RCHY1: variants seen among roughly 807,000 people sequenced by gnomAD.
The protein encoded by RCHY1 is RING finger and CHY zinc finger domain-containing protein 1.
A neutral mutation model predicts 41.6 loss-of-function variants in RCHY1; 21 were observed. That is an observed-to-expected ratio of 0.51 (90% CI 0.36 to 0.73). The LOEUF is 0.73. Ranked by LOEUF, RCHY1 falls within the 30% of genes least tolerant of loss-of-function variation. The pLI is 0.00. For missense variants in RCHY1, 265 were observed against 325.3 expected (o/e 0.81, Z 1.43); for synonymous variants, 79 against 102.9 (o/e 0.77, Z 1.41).
At position 75,487,732 on chromosome 4, in the gene RCHY1, AATATATATTCATATATATATTCATAAT is replaced by A. The variant is rs1560513306; in HGVS notation, c.657+2822_657+2848del. 7.8e-4 allele frequency among the ~76,000 whole-genome samples: 41 copies of A among 52,596 alleles called. 1 individual carries two copies. Among genetic ancestry groups the A allele is most frequent in the South Asian group, 1.4e-3 (3 of 2,152 alleles). 34.5% of individuals were successfully genotyped at this position (52,596 alleles called of 152,430 possible). ...AATATATATTCATATATATATTCAT[AATATATATTCATATATATATTCATAAT>A]ATATATATTCATATATATATTCATA... On this transcript the variant is annotated intron_variant, in intron 8 of 8. Coordinates refer to ENST00000324439, the MANE Select transcript of RCHY1 (RefSeq NM_015436.4).
intron 1 of RCHY1, 70 bp downstream of exon 1, chr4:75,514,127 C>A (rs750340269): frequency 4.5e-6 from 7 of 1,561,690 alleles, no homozygotes; most frequent in Non-Finnish European, 6.1e-6. Flanking sequence ...CCAAGCCTAA[C>A]CACCTGCCCA....
chr4:75,491,651 TAA>T lies in RCHY1; in HGVS notation c.510-16_510-15del. The T allele has an allele frequency of 3.1e-6, 5 of 1,597,784 alleles. No individual in the cohort carries two copies. Among genetic ancestry groups the T allele is most frequent in the Non-Finnish European group, 4.3e-6 (5 of 1,166,338 alleles). ...TCATAACACGTTCTGAAAGAAAATA[TAA>T]GATTATTTTAGTAAAACAAAAACTG... is the stretch of plus-strand genomic sequence containing the variant. On this transcript the variant is annotated splice_polypyrimidine_tract_variant and intron_variant, in intron 6 of 8. Transcript: ENST00000324439.
rs1721583023 is a variant in RCHY1 at position 75,482,319 on chromosome 4, C to G, written c.*219G>C. 2 of 327,538 alleles carry G rather than the reference C, an allele frequency of 6.1e-6. No individual in the cohort carries two copies. The highest frequency in any genetic ancestry group is 1.1e-5 in the Non-Finnish European group (2 of 184,744). The allele number at this position is 327,538 out of a possible 1,614,324, so 20.3% of individuals were successfully genotyped here. A position where few individuals can be genotyped will look rare whatever the true frequency, so the allele number is the denominator to read the frequency against. On this transcript the variant is annotated 3_prime_UTR_variant, in exon 9 of 9. Transcript: ENST00000324439. ...AACTGACACTAAAGGAATTTCCAATCAAAACACAAGCACAGTGGCTTTCAT... is the reference window on the plus strand; with the variant it reads ...AACTGACACTAAAGGAATTTCCAATGAAAACACAAGCACAGTGGCTTTCAT...
chr4:75,495,122 C>T (rs1006003878), intron 3 of RCHY1, among the ~76,000 whole-genome samples: 28 of 151,768 alleles, frequency 1.8e-4, no homozygotes, highest in African/African-American at 6.3e-4. Flanking sequence ...TTTTTATTTG[C>T]ATATTTTATA....
At chr4:75,509,607 C>G (rs1349057862) in intron 1 of RCHY1, 1 of 222,024 alleles carries the variant, frequency 4.5e-6, no homozygotes, top group African/African-American at 2.3e-5. Flanking sequence ...GTGTTCCCAC[C>G]CAAATCTCAA....
chr4:75,494,990 CT>C (rs1723061854), intron 3 of RCHY1, among the ~76,000 whole-genome samples: 1 of 151,788 alleles, frequency 6.6e-6, no homozygotes, highest in African/African-American at 2.4e-5. Context: ...CATTTTTCTA[CT>C]GAAGTATTTG....
intron 8 of RCHY1, among the ~76,000 whole-genome samples, chr4:75,486,806 C>T (rs1170492787): frequency 1.3e-5 from 2 of 152,094 alleles, no homozygotes; most frequent in African/African-American, 4.8e-5. Flanking sequence ...CAGTGAAACC[C>T]CGTCTCTACT....
chr4:75,514,402 A>G lies in RCHY1; in HGVS notation c.-116T>C. 2 of 1,148,588 alleles carry G rather than the reference A, an allele frequency of 1.7e-6. No individual in the cohort carries two copies. Among genetic ancestry groups the G allele is most frequent in the Non-Finnish European group, 2.4e-6 (2 of 826,878 alleles). 71.1% of individuals were successfully genotyped at this position (1,148,588 alleles called of 1,614,324 possible). Reference sequence around the variant, plus strand: ...AGCCCCAGCGGCCACTAGCGACAATATGGCTCCTAAGCACGTGACCCGGGG... The same window carrying G: ...AGCCCCAGCGGCCACTAGCGACAATGTGGCTCCTAAGCACGTGACCCGGGG... On this transcript the variant is annotated 5_prime_UTR_variant, in exon 1 of 9. Transcript: ENST00000324439.
At chr4:75,490,085 C>T (rs961270611) in intron 8 of RCHY1, among the ~76,000 whole-genome samples, 1 of 152,062 alleles carries the variant, frequency 6.6e-6, no homozygotes, top group Non-Finnish European at 1.5e-5. Flanking sequence ...GCTTATGATT[C>T]TGTGAACAAC....
Position 75,508,828 on chromosome 4 carries a change from T to A in RCHY1, c.318A>T (p.Gly106=). The change falls in exon 3 of 9, where the codon GGA becomes GGT. Residue 106 remains glycine, a synonymous_variant. Transcript: ENST00000324439. ...CACTTTACATACAGTACCTACAAAT[T>A]CCACAGTTTTCACAGTGATACTGCT... ...DKKQYHCENC[G]ICRIGPKEDF... 6.3e-7 allele frequency: 1 copy of A among 1,587,598 alleles called. No homozygotes were observed. The highest frequency in any genetic ancestry group is 8.6e-7 in the Non-Finnish European group (1 of 1,162,324).
intron 3 of RCHY1, among the ~76,000 whole-genome samples, chr4:75,508,144 C>G (rs1056622992): frequency 6.6e-6 from 1 of 151,836 alleles, no homozygotes; most frequent in Non-Finnish European, 1.5e-5. Context: ...ATATTCAAGA[C>G]AGTGATTACC....
At chr4:75,490,484 T>C (rs1339201176) in intron 8 of RCHY1, 97 bp downstream of exon 8, 1 of 865,072 alleles carries the variant, frequency 1.2e-6, no homozygotes, top group Non-Finnish European at 1.7e-6. Context: ...GTCAAACCAG[T>C]ATATATATAT....
intron 3 of RCHY1, among the ~76,000 whole-genome samples, chr4:75,494,683 C>A (rs759571888): frequency 1.3e-5 from 2 of 151,760 alleles, no homozygotes; most frequent in Non-Finnish European, 2.9e-5. Context: ...TCACTTAGTT[C>A]ACATGTTGAT....
chr4:75,511,079 T>C (rs1724817700), intron 1 of RCHY1, among the ~76,000 whole-genome samples: 1 of 152,246 alleles, frequency 6.6e-6, no homozygotes, highest in African/African-American at 2.4e-5. Flanking sequence ...ATTGATATGA[T>C]GCCTCTTTTC....
At chr4:75,514,690 C>G (rs995954001), upstream of RCHY1, 1 of 166,368 alleles carries the variant, frequency 6.0e-6, no homozygotes, top group African/African-American at 2.4e-5. Flanking sequence ...TCTCTCCCTC[C>G]GGTGGCGGGG....
rs1254585626 is a variant in RCHY1, at chr4:75,479,057, T to G, written c.*3481A>C. 1.3e-5 allele frequency: 2 copies of G among 152,090 alleles called. No homozygotes were observed. The highest frequency in any genetic ancestry group is 2.9e-5 in the Non-Finnish European group (2 of 67,986). 9.4% of individuals were successfully genotyped at this position (152,090 alleles called of 1,614,324 possible). A position where few individuals can be genotyped will look rare whatever the true frequency, so the allele number is the denominator to read the frequency against. Reference sequence around the variant, plus strand: ...ATCAGTTAGACAAGAGGAATAAACTTTACTGATCTATTACACAGAATGGTG... The same window carrying G: ...ATCAGTTAGACAAGAGGAATAAACTGTACTGATCTATTACACAGAATGGTG... On this transcript the variant is annotated 3_prime_UTR_variant, in exon 9 of 9. Coordinates refer to ENST00000324439, the MANE Select transcript of RCHY1 (RefSeq NM_015436.4).
chr4:75,514,238 G>A lies in RCHY1; in HGVS notation c.49C>T (p.Gln17Ter). 1 of 1,613,274 alleles carries A rather than the reference G, an allele frequency of 6.2e-7. No individual in the cohort carries two copies. Among genetic ancestry groups the A allele is most frequent in the South Asian group, 1.1e-5 (1 of 91,064 alleles). ...CTGTCATAGTGCTCGCAGCCCCGCTGACCTCGCTCTTGACCGCTGGCGCCA... is the reference window on the plus strand; with the variant it reads ...CTGTCATAGTGCTCGCAGCCCCGCTAACCTCGCTCTTGACCGCTGGCGCCA... ...EDGASGQERG[Q>*]RGCEHYDRGC... is the part of the protein sequence containing the mutation. The change falls in exon 1 of 9, where the codon CAG becomes TAG. Residue 17 changes from glutamine to a stop codon, truncating the protein, a stop_gained. Coordinates refer to ENST00000324439, the MANE Select transcript of RCHY1 (RefSeq NM_015436.4). LOFTEE classifies it high-confidence loss of function.
chr4:75,488,001 C>A (rs1467012958), intron 8 of RCHY1, among the ~76,000 whole-genome samples: 1 of 141,054 alleles, frequency 7.1e-6, no homozygotes, highest in African/African-American at 2.6e-5. Context: ...AAAATTAAGT[C>A]TTTTTTTTTT....
intron 3 of RCHY1, among the ~76,000 whole-genome samples, chr4:75,506,104 A>G (rs557660702): frequency 2.3e-3 from 121 of 52,156 alleles, no homozygotes; most frequent in Non-Finnish European, 3.8e-3. Context: ...TAAAGGGAGG[A>G]AAAAAAAAAA....
Sources: gnomAD v4.1 joint callset for allele counts (sites outside exome capture counted in the v4.1 genomes callset) on GRCh38, gnomAD v4.1.1 for gene constraint, MANE v1.5 for transcripts, NCBI Gene and HGNC (gene_info 2026-07-23, HGNC 2026-07-21) for gene names.